Variants in PARVA observed in about 807,000 individuals in gnomAD.
PARVA encodes alpha-parvin.
A neutral mutation model predicts 52.6 loss-of-function variants in PARVA; 25 were observed. That is an observed-to-expected ratio of 0.48 (90% confidence interval 0.35 to 0.66). The LOEUF (loss-of-function observed/expected upper bound fraction) is 0.66. Among genes scored for constraint, PARVA ranks in the 30% least tolerant of loss-of-function variants. The pLI, the probability that PARVA is intolerant of heterozygous loss-of-function variation, is 0.01. For synonymous variants in PARVA, 185 were observed against 179.1 expected (o/e 1.03, Z -0.26); for missense variants, 373 against 450.9 (o/e 0.83, Z 1.56).
At chr11:12,474,280 G>A (rs949343393) in intron 3 of PARVA, among the ~76,000 whole-genome samples, 2 of 151,956 alleles carry the variant, frequency 1.3e-5, no homozygotes, top group Non-Finnish European at 2.9e-5. Flanking sequence ...TTTTCTCAAG[G>A]ACCCTCAAAA....
chr11:12,405,382 G>C (rs1939888024), intron 1 of PARVA, among the ~76,000 whole-genome samples: 1 of 152,142 alleles, frequency 6.6e-6, no homozygotes, highest in South Asian at 2.1e-4. Flanking sequence ...ATGCGTATAG[G>C]AAAAAGTTTA....
chr11:12,507,397 G>C (rs1181926653), intron 6 of PARVA, among the ~76,000 whole-genome samples: 1 of 152,160 alleles, frequency 6.6e-6, no homozygotes. Flanking sequence ...CCATCAGAAA[G>C]TCTTCCTGCA....
At chr11:12,499,538 A>T (rs1336250154) in intron 5 of PARVA, among the ~76,000 whole-genome samples, 2 of 151,656 alleles carry the variant, frequency 1.3e-5, no homozygotes, top group Non-Finnish European at 2.9e-5. Flanking sequence ...TATTATGCTT[A>T]TTGTATGTCT....
chr11:12,488,441 A>T (rs1941189664), intron 4 of PARVA, among the ~76,000 whole-genome samples: 1 of 152,200 alleles, frequency 6.6e-6, no homozygotes, highest in Non-Finnish European at 1.5e-5. Flanking sequence ...CTAGTGGGAT[A>T]AGTGCTAATT....
At chr11:12,484,504 G>GGTGTGTGTGTGTGTGTGT (rs35501237) in intron 4 of PARVA, among the ~76,000 whole-genome samples, 139 of 144,690 alleles carry the variant, frequency 9.6e-4, no homozygotes, top group African/African-American at 3.3e-3. Context: ...GTTTTGTTTT[G>GGTGTGTGTGTGTGTGTGT]GTGTGTGTGT....
At chr11:12,510,794 C>A (rs543074693) in intron 7 of PARVA, among the ~76,000 whole-genome samples, 4 of 152,240 alleles carry the variant, frequency 2.6e-5, no homozygotes, top group African/African-American at 7.2e-5. Flanking sequence ...ATTACCTCCC[C>A]CTGGGTCCCT....
At chr11:12,430,339 CTG>C (rs1402061206) in intron 1 of PARVA, among the ~76,000 whole-genome samples, 1 of 152,168 alleles carries the variant, frequency 6.6e-6, no homozygotes, top group South Asian at 2.1e-4. Flanking sequence ...TTAATAATAA[CTG>C]TATTTAACAA....
chr11:12,433,196 CTT>C (rs1261005976), intron 1 of PARVA, among the ~76,000 whole-genome samples: 1 of 152,178 alleles, frequency 6.6e-6, no homozygotes, highest in Admixed American at 6.5e-5. Context: ...CCAGCTGAAA[CTT>C]TCCCGGAATC....
chr11:12,456,647 C>T (rs1166787170), intron 1 of PARVA, among the ~76,000 whole-genome samples: 1 of 152,126 alleles, frequency 6.6e-6, no homozygotes, highest in Non-Finnish European at 1.5e-5. Flanking sequence ...AAAATGTTCC[C>T]TGTTCTCATG....
chr11:12,491,677 T>C (rs1941235262), intron 4 of PARVA, among the ~76,000 whole-genome samples: 2 of 152,216 alleles, frequency 1.3e-5, no homozygotes, highest in African/African-American at 4.8e-5. Flanking sequence ...TTTAAACTTA[T>C]ATGTACTTTT....
At chr11:12,486,657 CCAA>C (rs1941162608) in intron 4 of PARVA, among the ~76,000 whole-genome samples, 1 of 152,028 alleles carries the variant, frequency 6.6e-6, no homozygotes, top group Admixed American at 6.6e-5. Context: ...ACCAGCCTGA[CCAA>C]CATGATAAAA....
chr11:12,471,055 G>T (rs1940926193), intron 1 of PARVA, among the ~76,000 whole-genome samples: 2 of 152,236 alleles, frequency 1.3e-5, no homozygotes. Flanking sequence ...GATGCAAAAG[G>T]TGAGGAAAAT....
chr11:12,384,209 G>A (rs1029399310), intron 1 of PARVA, among the ~76,000 whole-genome samples: 2 of 152,088 alleles, frequency 1.3e-5, no homozygotes, highest in African/African-American at 4.8e-5. Context: ...ATATGCTTGA[G>A]TCTTTCCTAT....
chr11:12,436,349 G>A (rs1279372318), intron 1 of PARVA, among the ~76,000 whole-genome samples: 2 of 152,118 alleles, frequency 1.3e-5, no homozygotes, highest in East Asian at 1.9e-4. Context: ...TAGCAGAACT[G>A]GTTGCTGGTC....
intron 5 of PARVA, among the ~76,000 whole-genome samples, chr11:12,501,696 A>G (rs1268122957): frequency 6.6e-6 from 1 of 152,222 alleles, no homozygotes; most frequent in East Asian, 1.9e-4. Context: ...ATAGTATATT[A>G]CACAGTAACA....
intron 1 of PARVA, among the ~76,000 whole-genome samples, chr11:12,467,779 T>G (rs1034276588): frequency 6.6e-6 from 1 of 152,216 alleles, no homozygotes; most frequent in African/African-American, 2.4e-5. Context: ...ACATCCTGGT[T>G]CTTTTCTTGC....
chr11:12,461,122 C>T (rs1029249852), intron 1 of PARVA, among the ~76,000 whole-genome samples: 1 of 152,162 alleles, frequency 6.6e-6, no homozygotes, highest in Non-Finnish European at 1.5e-5. Flanking sequence ...GGTGGCTGCC[C>T]TTTAGGAACC....
chr11:12,463,565 T>G (rs1409850779), intron 1 of PARVA, among the ~76,000 whole-genome samples: 3 of 152,206 alleles, frequency 2.0e-5, no homozygotes, highest in Admixed American at 6.5e-5. Flanking sequence ...TTTATGACTG[T>G]GGATATTGGT....
At chr11:12,475,254 C>T (rs1458384089) in intron 3 of PARVA, among the ~76,000 whole-genome samples, 1 of 152,206 alleles carries the variant, frequency 6.6e-6, no homozygotes, top group Non-Finnish European at 1.5e-5. Flanking sequence ...CCTCTCATGC[C>T]CCTCATCTGA....
Sources: gnomAD v4.1 joint callset for allele counts (sites outside exome capture counted in the v4.1 genomes callset) on GRCh38, gnomAD v4.1.1 for gene constraint, MANE v1.5 for transcripts, NCBI Gene and HGNC (gene_info 2026-07-23, HGNC 2026-07-21) for gene names.